The following MTA3 variants were observed in gnomAD, a reference collection of about 807,000 sequenced individuals.
MTA3 encodes metastasis-associated protein MTA3.
MTA3 carries 34 observed loss-of-function variants against 83.5 expected under a neutral mutation model. That is an observed-to-expected ratio of 0.41 (90% CI 0.31 to 0.54). MTA3 has a LOEUF of 0.54. MTA3 is among the 20% of genes least tolerant of loss of function. The pLI, the probability that MTA3 is intolerant of heterozygous loss-of-function variation, is 0.33. For missense variants in MTA3, 761 were observed against 726.4 expected (o/e 1.05, Z -0.55); for synonymous variants, 303 against 252.7 (o/e 1.20, Z -1.89).
intron 5 of MTA3, among the ~76,000 whole-genome samples, chr2:42,642,734 T>A (rs1687807143): frequency 6.7e-6 from 1 of 150,004 alleles, no homozygotes; most frequent in Admixed American, 6.7e-5. Context: ...AACCTCTGCC[T>A]CCTGTGTTCA....
chr2:42,666,231 C>A lies in MTA3; in HGVS notation c.702+6369C>A, dbSNP rs367770662. 8.5e-5 allele frequency among the ~76,000 whole-genome samples: 13 copies of A among 152,164 alleles called. No individual in the cohort carries two copies. The South Asian group carries it at 1.0e-3, about 12-fold the overall frequency. ...GGCGGAGGTTGCAGTGAGCCGAGATCGTGCCACTGCACTCCAGCCTGGGTG... is the reference window on the plus strand; with the variant it reads ...GGCGGAGGTTGCAGTGAGCCGAGATAGTGCCACTGCACTCCAGCCTGGGTG... On this transcript the variant is annotated intron_variant, in intron 8 of 16. Coordinates refer to ENST00000405094, the MANE Select transcript of MTA3 (RefSeq NM_001330442.2).
In MTA3 at chr2:42,754,239, C is replaced by T; in HGVS notation, c.*840C>T. The T allele has an allele frequency of 2.0e-6, 2 of 985,492 alleles. No homozygotes were observed. Among genetic ancestry groups the T allele is most frequent in the Non-Finnish European group, 2.4e-6 (2 of 829,976 alleles). 61.0% of individuals were successfully genotyped at this position (985,492 alleles called of 1,614,324 possible). ...TGCAGCCAAACCAGCTGATGAAGAA[C>T]TGCTGCCAGGTGGGTCCTACAGCAG... On this transcript the variant is annotated 3_prime_UTR_variant, in exon 17 of 17. Coordinates refer to ENST00000405094, the MANE Select transcript of MTA3 (RefSeq NM_001330442.2).
At chr2:42,551,272 C>T (rs977708019) in intron 2 of MTA3, among the ~76,000 whole-genome samples, 1 of 151,938 alleles carries the variant, frequency 6.6e-6, no homozygotes, top group Non-Finnish European at 1.5e-5. Flanking sequence ...CTCACTGCAA[C>T]CTCTGTCTTC....
chr2:42,708,871 C>G lies in MTA3; in HGVS notation c.1303-3C>G. 6.2e-7 allele frequency: 1 copy of G among 1,613,606 alleles called. No homozygotes were observed. The highest frequency in any genetic ancestry group is 8.5e-7 in the Non-Finnish European group (1 of 1,179,710). On this transcript the variant is annotated splice_polypyrimidine_tract_variant and splice_region_variant and intron_variant, in intron 13 of 16. Coordinates refer to ENST00000405094, the MANE Select transcript of MTA3 (RefSeq NM_001330442.2). Reference sequence around the variant, plus strand: ...GAGTGTTTGTTGTTTTCTGATTTTGCAGGACCCTCGTGTTAGAAGTCACGT... The same window carrying G: ...GAGTGTTTGTTGTTTTCTGATTTTGGAGGACCCTCGTGTTAGAAGTCACGT...
intron 6 of MTA3, among the ~76,000 whole-genome samples, chr2:42,649,309 A>G (rs1017215244): frequency 4.6e-5 from 7 of 151,942 alleles, no homozygotes; most frequent in Admixed American, 2.6e-4. Flanking sequence ...AGGCAGGAGA[A>G]TTGCTTGAAC....
chr2:42,703,900 A>C, intron 11 of MTA3: 1 of 235,758 alleles, frequency 4.2e-6, no homozygotes, highest in Non-Finnish European at 8.4e-6. Context: ...CAAAAAAAAA[A>C]AAAAGTGTCA....
At chr2:42,639,050 G>GCTTT (rs1174803404) in intron 4 of MTA3, among the ~76,000 whole-genome samples, 1 of 150,114 alleles carries the variant, frequency 6.7e-6, no homozygotes, top group Non-Finnish European at 1.5e-5. Flanking sequence ...TTTCTAGCTT[G>GCTTT]CTTTCTTTCT....
At chr2:42,502,498 T>C (rs1420901478) in intron 2 of MTA3, among the ~76,000 whole-genome samples, 2 of 152,120 alleles carry the variant, frequency 1.3e-5, no homozygotes, top group Non-Finnish European at 2.9e-5. Flanking sequence ...TTATTGTTAT[T>C]GGAAAGGGGT....
At chr2:42,630,601 C>A (rs1345850490) in intron 4 of MTA3, among the ~76,000 whole-genome samples, 2 of 152,128 alleles carry the variant, frequency 1.3e-5, no homozygotes, top group African/African-American at 2.4e-5. Flanking sequence ...AGATCTGCCT[C>A]ATTCTTTTTT....
chr2:42,733,849 C>G (rs966522639), intron 16 of MTA3, among the ~76,000 whole-genome samples: 1 of 152,040 alleles, frequency 6.6e-6, no homozygotes, highest in East Asian at 1.9e-4. Context: ...TCCAATATTC[C>G]TGTTGTTATT....
intron 4 of MTA3, among the ~76,000 whole-genome samples, chr2:42,615,788 T>G (rs888956232): frequency 9.3e-5 from 13 of 139,364 alleles, no homozygotes; most frequent in African/African-American, 3.2e-4. Flanking sequence ...TGGCCTGATC[T>G]TGGCTCACTG....
chr2:42,591,055 G>A (rs1024718364), intron 3 of MTA3, among the ~76,000 whole-genome samples: 1 of 152,112 alleles, frequency 6.6e-6, no homozygotes, highest in Non-Finnish European at 1.5e-5. Flanking sequence ...TGAGAGATGC[G>A]TCATTAGGTG....
At chr2:42,582,321 G>C in intron 3 of MTA3, among the ~76,000 whole-genome samples, 1 of 152,108 alleles carries the variant, frequency 6.6e-6, no homozygotes, top group East Asian at 1.9e-4. Flanking sequence ...GCCTCCCAAA[G>C]TGCTGGGATT....
At chr2:42,595,272 G>T (rs1681657196) in intron 3 of MTA3, among the ~76,000 whole-genome samples, 1 of 145,484 alleles carries the variant, frequency 6.9e-6, no homozygotes, top group Non-Finnish European at 1.5e-5. Flanking sequence ...ACCATGCCCG[G>T]CTAATTTTTT....
At position 42,679,091 on chromosome 2, in the gene MTA3, TTA is replaced by T. The variant is rs1232109140; in HGVS notation, c.703-3308_703-3307del. Among the ~76,000 whole-genome samples the T allele has an allele frequency of 2.6e-5, 4 of 152,202 alleles. 1 individual carries two copies. The highest frequency in any genetic ancestry group is 2.6e-4 in the Admixed American group (4 of 15,280). On this transcript the variant is annotated intron_variant, in intron 8 of 16. Coordinates refer to ENST00000405094, the MANE Select transcript of MTA3 (RefSeq NM_001330442.2). Reference sequence around the variant, plus strand: ...TTCTACAATGAGCAAATACCTTGTATTATTATCAGTCTTTGACCTAAAAATTC... The same window carrying T: ...TTCTACAATGAGCAAATACCTTGTATTTATCAGTCTTTGACCTAAAAATTC...
intron 2 of MTA3, among the ~76,000 whole-genome samples, chr2:42,525,218 A>T (rs547757883): frequency 6.5e-4 from 83 of 126,722 alleles, no homozygotes; most frequent in Non-Finnish European, 1.0e-3. Context: ...TTGAATTTTG[A>T]GTTTGGGGTT....
At chr2:42,546,586 T>G (rs1478603434) in intron 2 of MTA3, among the ~76,000 whole-genome samples, 2 of 152,132 alleles carry the variant, frequency 1.3e-5, no homozygotes. Context: ...AGTTGGTCAC[T>G]TTTTTCTAGT....
intron 2 of MTA3, among the ~76,000 whole-genome samples, chr2:42,499,245 G>T (rs186722367): frequency 6.6e-6 from 1 of 150,548 alleles, no homozygotes; most frequent in South Asian, 2.1e-4. Context: ...TCAGCTCACC[G>T]CAACCTCCGC....
chr2:42,612,803 G>C (rs960271894), intron 4 of MTA3, among the ~76,000 whole-genome samples: 22 of 152,280 alleles, frequency 1.4e-4, no homozygotes, highest in African/African-American at 5.3e-4. Flanking sequence ...GAAGGTTGCA[G>C]TGAGCCAAGA....
Sources: allele counts gnomAD v4.1 joint callset (sites outside exome capture counted in the v4.1 genomes callset), GRCh38; gene constraint gnomAD v4.1.1; transcripts MANE v1.5; gene names NCBI Gene and HGNC (gene_info 2026-07-23, HGNC 2026-07-21).